The following PBX1 variants were observed in gnomAD, a reference collection of about 807,000 sequenced individuals.
PBX1 encodes PBX homeobox 1.
PBX1 carries 6 observed loss-of-function variants against 53.4 expected under a neutral mutation model. The observed-to-expected ratio is 0.11, with a 90% confidence interval of 0.06 to 0.22. The LOEUF is 0.22. PBX1 is among the 10% of genes least tolerant of loss of function. The pLI is 1.00. For synonymous variants in PBX1, 204 were observed against 212.3 expected, an observed-to-expected ratio of 0.96 and a Z score of 0.34; for missense variants, 251 against 551.4, an observed-to-expected ratio of 0.46 and a Z score of 5.46.
At chr1:164,642,464 T>C (rs1277526117) in intron 2 of PBX1, among the ~76,000 whole-genome samples, 2 of 152,212 alleles carry the variant, frequency 1.3e-5, no homozygotes, top group African/African-American at 4.8e-5. Context: ...TATGTCTCAA[T>C]GGTTGATTAG....
chr1:164,778,636 CAAA>C (rs35701840), intron 2 of PBX1, among the ~76,000 whole-genome samples: 2 of 136,316 alleles, frequency 1.5e-5, no homozygotes, highest in Admixed American at 7.6e-5. Flanking sequence ...GACCCTTTCT[CAAA>C]AAAAAAAAAA....
chr1:164,599,247 T>TA (rs1248252510), intron 2 of PBX1, among the ~76,000 whole-genome samples: 1 of 151,060 alleles, frequency 6.6e-6, no homozygotes, highest in African/African-American at 2.4e-5. Context: ...TCTTTTTTTT[T>TA]AAAATTAATT....
intron 2 of PBX1, chr1:164,680,738 T>G (rs74117981): frequency 1.3e-5 from 2 of 152,210 alleles, no homozygotes; most frequent in Non-Finnish European, 2.9e-5. Context: ...CTTTCCCCAT[T>G]CTGTCTGAGG....
At position 164,799,795 on chromosome 1, in the gene PBX1, A is replaced by G; in HGVS notation, c.607A>G (p.Ile203Val). The stretch of plus-strand genomic sequence containing the variant: ...AAAGGAGATTGAGCGGATGGTCAGC[A>G]TCATCCACCGCAAGTTCAGCTCCAT... ...SPKEIERMVS[I>V]IHRKFSSIQM... The change falls in exon 4 of 9, where the codon ATC (isoleucine) becomes GTC (valine). Residue 203 changes from isoleucine to valine, a missense_variant. Ile to Val is a conservative substitution (Grantham distance 29). Around this residue, in one of 4 missense-constraint regions of PBX1, gnomAD observed 76 missense variants for 197.5 expected, o/e 0.38. Transcript: ENST00000420696. 1 of 1,614,144 alleles carries G rather than the reference A, an allele frequency of 6.2e-7. No homozygotes were observed. The highest frequency in any genetic ancestry group is 8.5e-7 in the Non-Finnish European group (1 of 1,180,016).
intron 2 of PBX1, among the ~76,000 whole-genome samples, chr1:164,763,053 A>G (rs1017625116): frequency 2.6e-5 from 4 of 152,330 alleles, no homozygotes; most frequent in African/African-American, 9.6e-5. Context: ...TTCTTAGTTT[A>G]CAAATGTGAA....
intron 2 of PBX1, among the ~76,000 whole-genome samples, chr1:164,592,545 G>T (rs1223696175): frequency 1.3e-5 from 2 of 152,220 alleles, no homozygotes; most frequent in Non-Finnish European, 2.9e-5. Flanking sequence ...AGCAGTGTCT[G>T]AGCAGAGTCT....
chr1:164,564,157 GA>G (rs1653263671), intron 2 of PBX1: 1 of 152,122 alleles, frequency 6.6e-6, no homozygotes, highest in Admixed American at 6.5e-5. Context: ...TGAAACCAGG[GA>G]ATAAAGATGA....
At chr1:164,856,113 A>T (rs2102436918), downstream of PBX1, among the ~76,000 whole-genome samples, 1 of 152,198 alleles carries the variant, frequency 6.6e-6, no homozygotes, top group East Asian at 1.9e-4. Flanking sequence ...CCTTTGTCTC[A>T]ATTGGAGTCA....
At position 164,694,501 on chromosome 1, in the gene PBX1, A is replaced by G. The variant is rs74347454; in HGVS notation, c.266-97993A>G. On this transcript the variant is annotated intron_variant, in intron 2 of 8. Transcript: ENST00000420696. ...TTGAACAAATGGTAAAGTAAAACCTATATGTTTAGCCCAGATTGCTTTTGT... is the reference window on the plus strand; with the variant it reads ...TTGAACAAATGGTAAAGTAAAACCTGTATGTTTAGCCCAGATTGCTTTTGT... Among the ~76,000 whole-genome samples, 368 of 152,304 alleles carry G rather than the reference A, an allele frequency of 2.4e-3. 4 individuals carry two copies. Among genetic ancestry groups the G allele is most frequent in the Non-Finnish European group, 3.6e-3 (243 of 68,028 alleles).
chr1:164,716,756 A>T (rs1664119038), intron 2 of PBX1, among the ~76,000 whole-genome samples: 2 of 151,730 alleles, frequency 1.3e-5, no homozygotes, highest in African/African-American at 4.8e-5. Context: ...AAGAAAAAAA[A>T]AGAATCTATT....
intron 2 of PBX1, among the ~76,000 whole-genome samples, chr1:164,691,006 T>C (rs1039914901): frequency 3.7e-5 from 5 of 134,624 alleles, no homozygotes; most frequent in African/African-American, 1.3e-4. Flanking sequence ...CAAGAGTTGT[T>C]AAATCTTTTT....
intron 2 of PBX1, among the ~76,000 whole-genome samples, chr1:164,860,571 T>C (rs954375533): frequency 1.3e-5 from 2 of 152,168 alleles, no homozygotes; most frequent in African/African-American, 2.4e-5. Context: ...CCACCTAGAA[T>C]GATGGCCCCT....
intron 6 of PBX1, chr1:164,814,356 A>G (rs1400944960): frequency 6.6e-6 from 1 of 152,266 alleles, no homozygotes. Context: ...CTAGAGTTGT[A>G]GAACCTAGGA....
intron 2 of PBX1, among the ~76,000 whole-genome samples, chr1:164,614,753 C>T (rs561176931): frequency 1.3e-5 from 2 of 152,214 alleles, no homozygotes; most frequent in East Asian, 3.9e-4. Flanking sequence ...AGGCTGGCTT[C>T]CCTGGTCATG....
intron 2 of PBX1, among the ~76,000 whole-genome samples, chr1:164,877,536 G>A (rs1359527327): frequency 2.0e-5 from 3 of 151,996 alleles, no homozygotes; most frequent in African/African-American, 7.2e-5. Flanking sequence ...GGTGGTGCAT[G>A]CCTGTAATCC....
chr1:164,616,822 T>C (rs1321774984), intron 2 of PBX1, among the ~76,000 whole-genome samples: 1 of 152,194 alleles, frequency 6.6e-6, no homozygotes, highest in South Asian at 2.1e-4. Context: ...GCTAAACCCA[T>C]TGACATAGAT....
In PBX1 at chr1:164,847,438, C is replaced by T. The variant is rs1026848210; in HGVS notation, c.*762C>T. The T allele has an allele frequency of 1.9e-6, 2 of 1,063,544 alleles. No homozygotes were observed. The highest frequency in any genetic ancestry group is 1.1e-4 in the Admixed American group (2 of 18,662). 65.9% of individuals were successfully genotyped at this position (1,063,544 alleles called of 1,614,324 possible). A position where few individuals can be genotyped will look rare whatever the true frequency, so the allele number is the denominator to read the frequency against. On this transcript the variant is annotated 3_prime_UTR_variant, in exon 9 of 9. Transcript: ENST00000420696. ...TGGAGAATTCCTACAGTCTTTCTTA[C>T]CCTGCTAGCAATAGCTCTCAGTTTC...
At chr1:164,744,588 G>T (rs931767830) in intron 2 of PBX1, among the ~76,000 whole-genome samples, 1 of 152,134 alleles carries the variant, frequency 6.6e-6, no homozygotes, top group Admixed American at 6.5e-5. Context: ...TCCTGATCTG[G>T]CGGGATCCCC....
chr1:164,786,951 A>T, intron 2 of PBX1, among the ~76,000 whole-genome samples: 1 of 152,134 alleles, frequency 6.6e-6, no homozygotes, highest in Non-Finnish European at 1.5e-5. Context: ...CATGTTTTGT[A>T]AGGTGATGTA....
Sources: allele counts gnomAD v4.1 joint callset (sites outside exome capture counted in the v4.1 genomes callset), GRCh38; gene constraint gnomAD v4.1.1; regional missense constraint gnomAD v4.1.1; transcripts MANE v1.5; gene names NCBI Gene and HGNC (gene_info 2026-07-23, HGNC 2026-07-21).